CMIP: variants seen among roughly 807,000 people sequenced by gnomAD.
CMIP encodes c-Maf inducing protein, also known as C-Maf-inducing protein.
In CMIP, 13 loss-of-function variants were observed where a neutral mutation model predicts 97.3. The observed-to-expected ratio is 0.13, with a 90% CI of 0.09 to 0.21. The LOEUF (loss-of-function observed/expected upper bound fraction) is 0.21, where lower values mean the gene tolerates loss of function less well. CMIP is among the 10% of genes least tolerant of loss of function. The probability of loss-of-function intolerance (pLI) is 1.00; values close to 1 mark genes in which losing one functional copy is unlikely to be tolerated. For missense variants in CMIP, 847 were observed against 1,024.9 expected, an observed-to-expected ratio of 0.83 and a Z score of 2.37; for synonymous variants, 538 against 436.3, an observed-to-expected ratio of 1.23 and a Z score of -2.91.
In CMIP at chr16:81,685,199, C is replaced by A. The variant is rs182439610; in HGVS notation, c.1388+6571C>A. On this transcript the variant is annotated intron_variant, in intron 10 of 20. Coordinates refer to ENST00000537098, the MANE Select transcript of CMIP (RefSeq NM_198390.3). ...GTCTGGGCCGAGGCAAGGAAGTCCA[C>A]TTGCCCTCTCCCTCCTTCCCATGCA... Among the ~76,000 whole-genome samples the A allele has an allele frequency of 3.7e-3, 571 of 152,342 alleles. 1 individual carries two copies. The highest frequency in any genetic ancestry group is 6.8e-3 in the Middle Eastern group (2 of 294).
intron 2 of CMIP, among the ~76,000 whole-genome samples, chr16:81,609,367 AGCCCCCCTCGGCGGGG>A (rs2091793480): frequency 6.6e-6 from 1 of 152,160 alleles, no homozygotes; most frequent in Admixed American, 6.5e-5. Flanking sequence ...GGTCAGTGCC[AGCCCCCCTCGGCGGGG>A]GAGATGGGGC....
intron 1 of CMIP, among the ~76,000 whole-genome samples, chr16:81,599,828 A>G (rs2150931112): frequency 6.6e-6 from 1 of 152,338 alleles, no homozygotes; most frequent in South Asian, 2.1e-4. Flanking sequence ...ATTGTTGTCA[A>G]GTTAAATGAG....
intron 20 of CMIP, among the ~76,000 whole-genome samples, chr16:81,708,947 G>A (rs1440144987): frequency 1.3e-5 from 2 of 152,194 alleles, no homozygotes; most frequent in African/African-American, 2.4e-5. Context: ...AAGTGTGCTG[G>A]CCAGTGTACA....
At chr16:81,471,309 C>A (rs1027545445) in intron 1 of CMIP, among the ~76,000 whole-genome samples, 1 of 152,088 alleles carries the variant, frequency 6.6e-6, no homozygotes, top group African/African-American at 2.4e-5. Flanking sequence ...TATAAATGTA[C>A]CCACACGCAC....
Position 81,458,474 on chromosome 16 carries a change from C to CCGGCTGAT in CMIP, c.300+12935_300+12942dup, listed in dbSNP as rs574762999. On this transcript the variant is annotated intron_variant, in intron 1 of 20. Transcript: ENST00000537098. The stretch of plus-strand genomic sequence containing the variant: ...GGGGGCATGACTAGAGGAGGGGATC[C>CCGGCTGAT]CGGCTGATCTCAGTCCCACTGGCCT... Among the ~76,000 whole-genome samples, 31 of 152,280 alleles carry CCGGCTGAT rather than the reference C, an allele frequency of 2.0e-4. No homozygotes were observed. The South Asian group carries it at 6.0e-3, about 30-fold the overall frequency.
At chr16:81,483,845 C>G (rs542680432) in intron 1 of CMIP, among the ~76,000 whole-genome samples, 37 of 152,272 alleles carry the variant, frequency 2.4e-4, no homozygotes, top group African/African-American at 8.4e-4. Context: ...TGTTATCTGT[C>G]CAGGCAGATA....
intron 1 of CMIP, among the ~76,000 whole-genome samples, chr16:81,493,371 C>A (rs2966089): frequency 0.011 from 1,644 of 150,080 alleles, 31 homozygotes; most frequent in African/African-American, 0.038. Context: ...CGTTACCTGT[C>A]GTTACCTGTC....
Position 81,615,000 on chromosome 16 carries a change from CTA to C in CMIP, c.427-5872_427-5871del, listed in dbSNP as rs934075400. On this transcript the variant is annotated intron_variant, in intron 2 of 20. Coordinates refer to ENST00000537098, the MANE Select transcript of CMIP (RefSeq NM_198390.3). The surrounding 1 kb of genome is among the most constrained non-coding windows in gnomAD (Gnocchi z 5.3). ...TGACGTGTGTGTGTGGTGTATGTGTCTATATGTGATGTCTCTGTGTGTATATG... is the reference window on the plus strand; with the variant it reads ...TGACGTGTGTGTGTGGTGTATGTGTCTATGTGATGTCTCTGTGTGTATATG... 2.1e-4 allele frequency among the ~76,000 whole-genome samples: 28 copies of C among 135,532 alleles called. No homozygotes were observed. Among genetic ancestry groups the C allele is most frequent in the African/African-American group, 5.5e-4 (20 of 36,208 alleles). 88.9% of individuals were successfully genotyped at this position (135,532 alleles called of 152,430 possible).
At position 81,641,418 on chromosome 16, in the gene CMIP, A is replaced by AT. The variant is rs201181850; in HGVS notation, c.478-10775dup. Among the ~76,000 whole-genome samples, 20 of 149,758 alleles carry AT rather than the reference A, an allele frequency of 1.3e-4. 1 individual carries two copies. In the Middle Eastern group the frequency reaches 0.014, roughly 103 times the overall value. The stretch of plus-strand genomic sequence containing the variant: ...TCAGCGAGGAAAACAGCTACATACA[A>AT]TTTTTTTTTTAATGTGCTCAAACAG... On this transcript the variant is annotated intron_variant, in intron 3 of 20. Coordinates refer to ENST00000537098, the MANE Select transcript of CMIP (RefSeq NM_198390.3).
At chr16:81,663,716 C>T (rs756348035) in intron 6 of CMIP, among the ~76,000 whole-genome samples, 1 of 152,164 alleles carries the variant, frequency 6.6e-6, no homozygotes, top group Admixed American at 6.5e-5. Context: ...TTACACCGCA[C>T]GGTCCTTTGG....
intron 1 of CMIP, among the ~76,000 whole-genome samples, chr16:81,503,468 C>T (rs1220051938): frequency 6.6e-6 from 1 of 152,152 alleles, no homozygotes; most frequent in African/African-American, 2.4e-5. Flanking sequence ...ACAATTATGG[C>T]TTACTGCAGC....
At chr16:81,706,301 A>G (rs1908131343) in intron 19 of CMIP, among the ~76,000 whole-genome samples, 1 of 152,188 alleles carries the variant, frequency 6.6e-6, no homozygotes, top group Non-Finnish European at 1.5e-5. Context: ...CTGGGTGTGA[A>G]GACAGATTTG....
intron 7 of CMIP, chr16:81,665,569 C>G (rs551890064): frequency 6.6e-6 from 1 of 152,308 alleles, no homozygotes; most frequent in South Asian, 2.1e-4. Flanking sequence ...AGGGCCCATT[C>G]CCAATCACAT....
At chr16:81,682,781 G>C (rs1396010791) in intron 10 of CMIP, among the ~76,000 whole-genome samples, 2 of 152,206 alleles carry the variant, frequency 1.3e-5, no homozygotes, top group African/African-American at 2.4e-5. Flanking sequence ...GTTCCCATAG[G>C]AAGGCCCCTG....
At chr16:81,624,560 T>C (rs1243441344) in intron 3 of CMIP, among the ~76,000 whole-genome samples, 5 of 152,040 alleles carry the variant, frequency 3.3e-5, no homozygotes, top group African/African-American at 4.8e-5. Flanking sequence ...AAGTTGGACT[T>C]GCATCTCTAG....
intron 3 of CMIP, among the ~76,000 whole-genome samples, chr16:81,642,847 G>C (rs1169127556): frequency 3.3e-5 from 5 of 152,190 alleles, no homozygotes; most frequent in Admixed American, 3.3e-4. Context: ...AATGAGTTGA[G>C]ATCGCACCAC....
At chr16:81,607,762 C>A in intron 2 of CMIP, 70 bp downstream of exon 2, 2 of 1,529,738 alleles carry the variant, frequency 1.3e-6, no homozygotes, top group South Asian at 1.2e-5. Flanking sequence ...CCTCGTTTCC[C>A]TTGGAGGGAG....
At chr16:81,675,894 C>G (rs908827386) in intron 9 of CMIP, among the ~76,000 whole-genome samples, 4 of 152,210 alleles carry the variant, frequency 2.6e-5, no homozygotes, top group African/African-American at 9.7e-5. Context: ...GTCTAACAAG[C>G]TCCCAGGCGA....
At chr16:81,672,211 A>T in intron 9 of CMIP, 141 bp downstream of exon 9, 1 of 556,748 alleles carries the variant, frequency 1.8e-6, no homozygotes, top group Admixed American at 3.0e-5. Context: ...TGTGTTTGCC[A>T]GTTCCCCTGG....
Sources: gnomAD v4.1 joint callset for allele counts (sites outside exome capture counted in the v4.1 genomes callset) on GRCh38, gnomAD v4.1.1 for gene constraint, Gnocchi (gnomAD v3.1) non-coding constraint, MANE v1.5 for transcripts, NCBI Gene and HGNC (gene_info 2026-07-23, HGNC 2026-07-21) for gene names.